HERC4: variants seen among roughly 807,000 people sequenced by gnomAD.
HERC4 encodes the protein HECT and RLD domain containing E3 ubiquitin protein ligase 4.
HERC4 carries 28 observed loss-of-function variants against 124.3 expected under a neutral mutation model. That is an observed-to-expected ratio of 0.23 (90% CI 0.17 to 0.31). The LOEUF (loss-of-function observed/expected upper bound fraction) is 0.31, where lower values mean the gene tolerates loss of function less well. Ranked by LOEUF, HERC4 falls within the 10% of genes least tolerant of loss-of-function variation. HERC4 has a pLI of 1.00. For missense variants in HERC4, 713 were observed against 1,229.3 expected (o/e 0.58, Z 6.28); for synonymous variants, 407 against 421.5 (o/e 0.97, Z 0.42).
chr10:67,935,622 C>T (rs1035286959), intron 22 of HERC4, among the ~76,000 whole-genome samples: 1 of 152,176 alleles, frequency 6.6e-6, no homozygotes, highest in Non-Finnish European at 1.5e-5. Flanking sequence ...AGTTCAATTT[C>T]TCCAGAAGGT....
rs529908102 is a variant in HERC4 at position 68,010,389 on chromosome 10, C to T, written c.1069+3637G>A. Reference sequence around the variant, plus strand: ...CACTGGTGCCCCTGAGAAAGGAGACCCAGCAGCCTCAAAATCCTCTCATGG... The same window carrying T: ...CACTGGTGCCCCTGAGAAAGGAGACTCAGCAGCCTCAAAATCCTCTCATGG... On this transcript the variant is annotated intron_variant, in intron 9 of 24. Transcript: ENST00000373700. 39 of 994,090 alleles carry T rather than the reference C, an allele frequency of 3.9e-5. No individual in the cohort carries two copies. In the African/African-American group the frequency reaches 5.7e-4, roughly 15 times the overall value. 61.6% of individuals were successfully genotyped at this position (994,090 alleles called of 1,614,324 possible). A position where few individuals can be genotyped will look rare whatever the true frequency, so the allele number is the denominator to read the frequency against.
intron 8 of HERC4, among the ~76,000 whole-genome samples, chr10:68,021,497 A>G (rs1236071500): frequency 6.6e-6 from 1 of 152,218 alleles, no homozygotes; most frequent in African/African-American, 2.4e-5. Flanking sequence ...AGTTCTAGCC[A>G]GAGCAATTTT....
chr10:67,927,424 ATATATATTTTTT>A (rs1187337652), intron 23 of HERC4, among the ~76,000 whole-genome samples: 38 of 7,060 alleles, frequency 5.4e-3, no homozygotes, highest in African/African-American at 0.013. Flanking sequence ...ATATATATAT[ATATATATTTTTT>A]TTTTTTTTTA....
At chr10:68,051,511 GT>G (rs202092218) in intron 3 of HERC4, among the ~76,000 whole-genome samples, 9 of 148,176 alleles carry the variant, frequency 6.1e-5, no homozygotes, top group East Asian at 5.9e-4. Context: ...TGCCCAGCTA[GT>G]TTTTTTTTGG....
At chr10:67,968,338 C>T (rs533336174) in intron 15 of HERC4, among the ~76,000 whole-genome samples, 17 of 151,846 alleles carry the variant, frequency 1.1e-4, no homozygotes, top group South Asian at 2.1e-4. Context: ...AAAACTCAAA[C>T]CCAATAAACC....
intron 16 of HERC4, among the ~76,000 whole-genome samples, chr10:67,960,440 C>T (rs1034364671): frequency 1.3e-5 from 2 of 152,048 alleles, no homozygotes; most frequent in African/African-American, 4.8e-5. Context: ...GGCTGGAGTG[C>T]AATGGTGCAA....
rs185479422 is a variant in HERC4 at position 68,053,383 on chromosome 10, A to G, written c.227-8820T>C. On this transcript the variant is annotated intron_variant, in intron 3 of 24. Coordinates refer to ENST00000373700, the MANE Select transcript of HERC4 (RefSeq NM_015601.4). The stretch of plus-strand genomic sequence containing the variant: ...CAGTGGTGAAATTACAGCTCACTGC[A>G]GCAGCAACCTCCCAGGCTCAGGTGA... Among the ~76,000 whole-genome samples the G allele has an allele frequency of 3.1e-3, 465 of 151,540 alleles. 4 individuals carry two copies. The highest frequency in any genetic ancestry group is 0.011 in the African/African-American group (442 of 41,264).
At chr10:68,070,805 C>G (rs966738031) in intron 3 of HERC4, among the ~76,000 whole-genome samples, 11 of 151,952 alleles carry the variant, frequency 7.2e-5, no homozygotes, top group African/African-American at 1.9e-4. Flanking sequence ...AGGACCCCCC[C>G]CTTCTACAAA....
chr10:68,067,139 T>C (rs1167939385), intron 3 of HERC4: 1 of 152,658 alleles, frequency 6.6e-6, no homozygotes, highest in Non-Finnish European at 1.5e-5. Flanking sequence ...GGATAATTCT[T>C]GCAAATTGTG....
intron 4 of HERC4, among the ~76,000 whole-genome samples, chr10:68,040,979 GGA>G (rs1289701057): frequency 6.6e-6 from 1 of 151,778 alleles, no homozygotes; most frequent in African/African-American, 2.4e-5. Context: ...CACACACATT[GGA>G]GATAAGATTT....
At chr10:68,021,662 G>A (rs921840050) in intron 8 of HERC4, among the ~76,000 whole-genome samples, 2 of 152,140 alleles carry the variant, frequency 1.3e-5, no homozygotes, top group Non-Finnish European at 2.9e-5. Flanking sequence ...TACAAAATTA[G>A]TCGGGTGTGG....
At chr10:67,997,355 G>A (rs989087796) in intron 9 of HERC4, among the ~76,000 whole-genome samples, 3 of 151,964 alleles carry the variant, frequency 2.0e-5, no homozygotes, top group Non-Finnish European at 4.4e-5. Context: ...AAATTTAAGA[G>A]GAAAAAAGAA....
chr10:67,930,021 G>A (rs1438215984), intron 23 of HERC4, among the ~76,000 whole-genome samples: 1 of 152,050 alleles, frequency 6.6e-6, no homozygotes, highest in Non-Finnish European at 1.5e-5. Flanking sequence ...GGTCAGGGTG[G>A]TCTTGAACTC....
chr10:68,037,091 C>CT (rs35105661), intron 5 of HERC4, among the ~76,000 whole-genome samples: 2,096 of 106,884 alleles, frequency 0.02, 54 homozygotes, highest in African/African-American at 0.06. Flanking sequence ...CCTATTTCTT[C>CT]TTTTTTTTTT....
intron 16 of HERC4, among the ~76,000 whole-genome samples, chr10:67,963,096 A>G (rs977477839): frequency 6.6e-6 from 1 of 152,130 alleles, no homozygotes; most frequent in Non-Finnish European, 1.5e-5. Flanking sequence ...GAATCCAGGC[A>G]CTCTCATAAA....
chr10:68,000,776 A>C (rs1211150435), intron 9 of HERC4, among the ~76,000 whole-genome samples: 2 of 152,156 alleles, frequency 1.3e-5, no homozygotes, highest in African/African-American at 4.8e-5. Flanking sequence ...AAGGTCTACA[A>C]GCGAAGGAAT....
intron 23 of HERC4, among the ~76,000 whole-genome samples, chr10:67,930,668 A>C (rs1249930950): frequency 6.6e-6 from 1 of 152,214 alleles, no homozygotes; most frequent in Non-Finnish European, 1.5e-5. Flanking sequence ...TAAATGCATA[A>C]ATCAGAGGAT....
chr10:68,032,695 C>T, intron 7 of HERC4, 83 bp downstream of exon 7: 3 of 727,900 alleles, frequency 4.1e-6, no homozygotes, highest in Non-Finnish European at 4.8e-6. Flanking sequence ...CAAGTTAAAA[C>T]TTGAGAAAAT....
intron 9 of HERC4, chr10:68,010,086 C>T: frequency 2.4e-5 from 16 of 656,998 alleles, no homozygotes; most frequent in South Asian, 2.2e-4. Flanking sequence ...CTTTGTGTTC[C>T]CAATTCCTTC....
Sources: gnomAD v4.1 joint callset for allele counts (sites outside exome capture counted in the v4.1 genomes callset) on GRCh38, gnomAD v4.1.1 for gene constraint, MANE v1.5 for transcripts, NCBI Gene and HGNC (gene_info 2026-07-23, HGNC 2026-07-21) for gene names.